The following FAM200C variants were observed in gnomAD, a reference collection of about 807,000 sequenced individuals.
the FAM200C span, chr5:160,393,680 AT>A: frequency 1.4e-6 from 2 of 1,420,752 alleles, no homozygotes; most frequent in Middle Eastern, 1.7e-4. Context: ...TAAGATTGAA[AT>A]TATTCATTAA....
the FAM200C span, among the ~76,000 whole-genome samples, chr5:160,396,697 G>GAAAAAAAA: frequency 4.1e-5 from 2 of 49,266 alleles, no homozygotes; most frequent in African/African-American, 7.1e-5. Flanking sequence ...AAGTCTCTGT[G>GAAAAAAAA]GAAAAAAAAA....
At chr5:160,394,401 C>T in the FAM200C span, 1 of 1,613,238 alleles carries the variant, frequency 6.2e-7, no homozygotes, top group Non-Finnish European at 8.5e-7. Flanking sequence ...TTTTCAAAGC[C>T]ATCAACTAAA....
At chr5:160,396,364 C>T in the FAM200C span, among the ~76,000 whole-genome samples, 1 of 152,172 alleles carries the variant, frequency 6.6e-6, no homozygotes, top group African/African-American at 2.4e-5. Flanking sequence ...GATTAAGCCA[C>T]CCCTGATGCA....
the FAM200C span, chr5:160,393,698 A>G: frequency 2.2e-4 from 339 of 1,518,260 alleles, no homozygotes; most frequent in South Asian, 3.0e-3. Context: ...TTAAAAAAGT[A>G]TATCAGCTTA....
the FAM200C span, chr5:160,393,675 T>C: frequency 6.5e-6 from 9 of 1,382,306 alleles, no homozygotes; most frequent in Non-Finnish European, 5.0e-6. Context: ...GATATTAAGA[T>C]TGAAATTATT....
the FAM200C span, chr5:160,395,593 A>C: frequency 1.1e-6 from 1 of 896,750 alleles, no homozygotes; most frequent in Non-Finnish European, 1.8e-6. Context: ...AACTGAATTA[A>C]AACAAAGCCA....
the FAM200C span, among the ~76,000 whole-genome samples, chr5:160,397,725 A>G: frequency 6.6e-6 from 1 of 152,244 alleles, no homozygotes; most frequent in African/African-American, 2.4e-5. Flanking sequence ...CTGCCAATCA[A>G]AAAAGACAAC....
the FAM200C span, chr5:160,393,565 C>T: frequency 4.5e-6 from 3 of 662,044 alleles, no homozygotes; most frequent in African/African-American, 1.8e-5. Flanking sequence ...AACATATTTT[C>T]ACATGCCTCA....
At chr5:160,394,595 T>C in the FAM200C span, 1 of 1,614,160 alleles carries the variant, frequency 6.2e-7, no homozygotes. Flanking sequence ...TTTGATGAAA[T>C]TTATTACCCT....
chr5:160,399,829 C>T, the FAM200C span: 1 of 152,026 alleles, frequency 6.6e-6, no homozygotes, highest in Non-Finnish European at 1.5e-5. Context: ...CGTCTCCAAG[C>T]CTGAGGCGCA....
the FAM200C span, chr5:160,394,498 C>T: frequency 6.2e-7 from 1 of 1,614,054 alleles, no homozygotes; most frequent in Non-Finnish European, 8.5e-7. Flanking sequence ...AAAGCCACCT[C>T]ATTTCAGTAT....
the FAM200C span, chr5:160,395,170 A>G: frequency 6.2e-7 from 1 of 1,613,848 alleles, no homozygotes; most frequent in Admixed American, 1.7e-5. Context: ...CTGTATGAGG[A>G]TTCTTCTCCT....
chr5:160,394,530 C>T, the FAM200C span: 1 of 1,614,118 alleles, frequency 6.2e-7, no homozygotes, highest in Non-Finnish European at 8.5e-7. Context: ...ACACTATATT[C>T]TATGCCAATT....
chr5:160,394,667 G>A, the FAM200C span: 1 of 1,614,074 alleles, frequency 6.2e-7, no homozygotes, highest in Non-Finnish European at 8.5e-7. Flanking sequence ...AAGTGCATGA[G>A]GATTCAATAA....
chr5:160,400,020 G>A, the FAM200C span: 2 of 152,284 alleles, frequency 1.3e-5, no homozygotes, highest in African/African-American at 2.4e-5. Flanking sequence ...AACAACCTCC[G>A]CCTCAGCCAG....
the FAM200C span, chr5:160,393,557 CAT>C: frequency 1.5e-6 from 1 of 647,558 alleles, no homozygotes; most frequent in Non-Finnish European, 2.6e-6. Flanking sequence ...ATTCTCAAAA[CAT>C]ATTTTCACAT....
chr5:160,394,561 T>C, the FAM200C span: 2 of 1,614,138 alleles, frequency 1.2e-6, no homozygotes, highest in Admixed American at 3.3e-5. Context: ...AAGCCTGAAA[T>C]AGGCGATGAT....
chr5:160,394,974 C>T, the FAM200C span: 1 of 1,613,698 alleles, frequency 6.2e-7, no homozygotes, highest in Non-Finnish European at 8.5e-7. Flanking sequence ...AGCTGAATAC[C>T]CACTTTAAGA....
At chr5:160,394,878 G>T in the FAM200C span, 54 of 1,612,636 alleles carry the variant, frequency 3.3e-5, no homozygotes, top group Non-Finnish European at 4.4e-5. Flanking sequence ...TCACAGAAGA[G>T]AAATTCTTCT....
Sources: allele counts gnomAD v4.1 joint callset (sites outside exome capture counted in the v4.1 genomes callset), GRCh38; gene constraint gnomAD v4.1.1; transcripts MANE v1.5.